The following SLAMF9 variants were observed in gnomAD, a reference collection of about 807,000 sequenced individuals.
SLAMF9 encodes SLAM family member 9, also known as CD2 family member 10.
Under a neutral mutation model 30.4 loss-of-function variants are expected in SLAMF9, and 25 were observed. That is an observed-to-expected ratio of 0.82 (90% CI 0.60 to 1.15). SLAMF9 has a LOEUF of 1.15. SLAMF9 is among the 50% of genes most tolerant of loss of function. The probability of loss-of-function intolerance (pLI) is 0.00; values close to 1 mark genes in which losing one functional copy is unlikely to be tolerated. For synonymous variants in SLAMF9, 129 were observed against 127.2 expected (o/e 1.01, Z -0.09); for missense variants, 344 against 346.1 (o/e 0.99, Z 0.05).
At chr1:159,958,763 C>A (rs1651982254), upstream of SLAMF9, among the ~76,000 whole-genome samples, 1 of 152,170 alleles carries the variant, frequency 6.6e-6, no homozygotes, top group Non-Finnish European at 1.5e-5. Flanking sequence ...CAGTGCCTAG[C>A]CAAGTGTAAT....
chr1:159,952,295 A>G lies in SLAMF9; in HGVS notation c.631T>C (p.Ser211Pro). Residue 211 changes from serine (S) to proline (P), a missense_variant, in exon 3 of 4, where the codon TCT (serine) becomes CCT (proline). Physicochemically the swap from Ser to Pro is moderately conservative, Grantham distance 74 (BLOSUM62 -1). Coordinates refer to ENST00000368093, the MANE Select transcript of SLAMF9 (RefSeq NM_033438.4). ...AAGGGCCCATCAGGGATGGGGCAAG[A>G]ACTGACGTTGCTGATGGGGTTGTTG... is the stretch of plus-strand genomic sequence containing the variant. Reference protein sequence around the residue: ...RANNPISNVSSCPIPDGPFYA... With the variant: ...RANNPISNVSPCPIPDGPFYA... The G allele has an allele frequency of 1.2e-6, 2 of 1,613,994 alleles. No homozygotes were observed. Among genetic ancestry groups the G allele is most frequent in the Non-Finnish European group, 1.7e-6 (2 of 1,179,978 alleles).
chr1:159,957,115 CT>C (rs1465245665), upstream of SLAMF9, among the ~76,000 whole-genome samples: 14 of 79,402 alleles, frequency 1.8e-4, no homozygotes, highest in African/African-American at 7.1e-4. Flanking sequence ...GAGCGAGACT[CT>C]GTCTCAAAAA....
rs1448789112 is a variant in SLAMF9 at position 159,951,724 on chromosome 1, C to G, written c.807G>C (p.Lys269Asn). 6.2e-7 allele frequency: 1 copy of G among 1,614,090 alleles called. No individual in the cohort carries two copies. The highest frequency in any genetic ancestry group is 2.2e-5 in the East Asian group (1 of 44,892). ...ATTTCATTCTGTTTCTCATGAGTTTCTTCATCCTTGGCATTTTGTGTCTTT... is the reference window on the plus strand; with the variant it reads ...ATTTCATTCTGTTTCTCATGAGTTTGTTCATCCTTGGCATTTTGTGTCTTT... Reference protein sequence around the residue: ...VQKRHKMPRMKKLMRNRMKLR... With the variant: ...VQKRHKMPRMNKLMRNRMKLR... Residue 269 changes from lysine to asparagine, a missense_variant, in exon 4 of 4, where the codon AAG becomes AAC. Physicochemically the swap from Lys to Asn is moderately conservative, Grantham distance 94. Coordinates refer to ENST00000368093, the MANE Select transcript of SLAMF9 (RefSeq NM_033438.4).
intron 2 of SLAMF9, 69 bp from the exon 3 acceptor site, chr1:159,952,603 A>G (rs1241448185): frequency 5.8e-6 from 9 of 1,543,158 alleles, no homozygotes; most frequent in Non-Finnish European, 7.9e-6. Context: ...TAAGCTCCTC[A>G]AACCTGGGGT....
At chr1:159,976,913 A>G in the SLAMF9 span, 10 of 502 alleles carry the variant, frequency 0.02, no homozygotes, top group Non-Finnish European at 0.11. Flanking sequence ...GGAAAGAAAA[A>G]AAGAAAGAAA....
At chr1:159,955,068 ACT>A (rs765644693), upstream of SLAMF9, among the ~76,000 whole-genome samples, 1 of 148,608 alleles carries the variant, frequency 6.7e-6, no homozygotes, top group East Asian at 2.0e-4. Context: ...ACAGAGCAAG[ACT>A]CTGTCTCAAA....
At chr1:159,983,936 A>T in the SLAMF9 span, 3 of 152,362 alleles carry the variant, frequency 2.0e-5, no homozygotes, top group Non-Finnish European at 4.4e-5. Context: ...AACAAAAGAC[A>T]CCTGGAGAAG....
the SLAMF9 span, among the ~76,000 whole-genome samples, chr1:159,963,724 G>A: frequency 6.6e-6 from 1 of 152,036 alleles, no homozygotes; most frequent in Non-Finnish European, 1.5e-5. Flanking sequence ...CAAAATGTAG[G>A]TTTCATACCA....
the SLAMF9 span, chr1:159,961,279 G>A: frequency 6.6e-6 from 1 of 152,166 alleles, no homozygotes; most frequent in Admixed American, 6.5e-5. Flanking sequence ...CTGCTGTGGT[G>A]GAGAGAATGG....
the SLAMF9 span, among the ~76,000 whole-genome samples, chr1:159,981,437 T>C: frequency 6.6e-6 from 1 of 152,206 alleles, no homozygotes; most frequent in African/African-American, 2.4e-5. Flanking sequence ...GCCAAGCCTG[T>C]GATGTCCTCA....
chr1:159,972,496 A>G, the SLAMF9 span: 1 of 152,698 alleles, frequency 6.5e-6, no homozygotes, highest in Non-Finnish European at 1.5e-5. Context: ...TGATGACTGA[A>G]CCATTATCCT....
chr1:159,969,591 T>C, the SLAMF9 span, among the ~76,000 whole-genome samples: 7 of 152,144 alleles, frequency 4.6e-5, no homozygotes, highest in African/African-American at 1.4e-4. Flanking sequence ...TGGGGCAGCA[T>C]TGGCAGGTGT....
chr1:159,974,149 T>C, the SLAMF9 span: 1 of 974,854 alleles, frequency 1.0e-6, no homozygotes, highest in South Asian at 1.5e-5. Context: ...CTAAGGCCTC[T>C]GCTGGGGATG....
chr1:159,982,100 C>T, the SLAMF9 span, among the ~76,000 whole-genome samples: 1 of 152,206 alleles, frequency 6.6e-6, no homozygotes, highest in African/African-American at 2.4e-5. Context: ...GTTGTCCTTC[C>T]TTCAATTCAT....
At chr1:159,966,586 G>A in the SLAMF9 span, among the ~76,000 whole-genome samples, 2 of 152,154 alleles carry the variant, frequency 1.3e-5, no homozygotes, top group African/African-American at 4.8e-5. Context: ...TACTAACAGT[G>A]TACAAGTGTT....
chr1:159,974,306 C>T, the SLAMF9 span, among the ~76,000 whole-genome samples: 1 of 152,184 alleles, frequency 6.6e-6, no homozygotes, highest in Non-Finnish European at 1.5e-5. Flanking sequence ...TCTATCCTTT[C>T]CCTTTTCTTC....
the SLAMF9 span, among the ~76,000 whole-genome samples, chr1:159,961,873 C>T: frequency 6.6e-6 from 1 of 151,922 alleles, no homozygotes; most frequent in Admixed American, 6.6e-5. Flanking sequence ...AGAAGTTTAC[C>T]TTTGGCCGGG....
the SLAMF9 span, chr1:159,976,904 G>A: frequency 1.7e-5 from 2 of 114,378 alleles, no homozygotes; most frequent in South Asian, 2.9e-4. Context: ...AAGAAAGAAG[G>A]AAAGAAAAAA....
At chr1:159,981,137 G>A in the SLAMF9 span, among the ~76,000 whole-genome samples, 4 of 152,124 alleles carry the variant, frequency 2.6e-5, no homozygotes, top group African/African-American at 9.7e-5. Flanking sequence ...ATTTTAAAGA[G>A]TAATCAATTT....
Sources: allele counts gnomAD v4.1 joint callset (sites outside exome capture counted in the v4.1 genomes callset), GRCh38; gene constraint gnomAD v4.1.1; transcripts MANE v1.5; gene names NCBI Gene and HGNC (gene_info 2026-07-23, HGNC 2026-07-21).